Variants in USP1 observed in about 807,000 individuals in gnomAD.
The protein encoded by USP1 is ubiquitin carboxyl-terminal hydrolase 1.
USP1 carries 18 observed loss-of-function variants against 72.2 expected under a neutral mutation model. The ratio of observed to expected loss-of-function variants is 0.25; its 90% CI spans 0.17 to 0.37. The LOEUF (loss-of-function observed/expected upper bound fraction) is 0.37. Ranked by LOEUF, USP1 falls within the 10% of genes least tolerant of loss-of-function variation. The pLI, the probability that USP1 is intolerant of heterozygous loss-of-function variation, is 1.00. For synonymous variants in USP1, 354 were observed against 303.7 expected (o/e 1.17, Z -1.72); for missense variants, 759 against 884.9 (o/e 0.86, Z 1.81).
intron 1 of USP1, 40 bp downstream of exon 1, chr1:62,437,440 G>T (rs1645097991): frequency 2.9e-6 from 1 of 350,442 alleles, no homozygotes; most frequent in Admixed American, 4.8e-5. Context: ...TCCCGGGCGC[G>T]GGGGCAAGTT....
chr1:62,449,036 C>T (rs1436352702), intron 8 of USP1, among the ~76,000 whole-genome samples: 1 of 152,106 alleles, frequency 6.6e-6, no homozygotes, highest in African/African-American at 2.4e-5. Flanking sequence ...GTGCATGCCA[C>T]CATGCCCAGC....
At chr1:62,439,377 G>C (rs182640634) in intron 1 of USP1, among the ~76,000 whole-genome samples, 1 of 152,266 alleles carries the variant, frequency 6.6e-6, no homozygotes, top group East Asian at 1.9e-4. Context: ...TAGAGATGGG[G>C]TTTCACCATG....
At chr1:62,448,340 CT>C (rs1345382672) in intron 7 of USP1, 124 bp from the exon 8 acceptor site, 5 of 892,944 alleles carry the variant, frequency 5.6e-6, no homozygotes, top group Non-Finnish European at 8.4e-6. Flanking sequence ...AAGTAAAAAT[CT>C]CTTTAGTTAT....
Position 62,437,116 on chromosome 1 carries a change from C to T in USP1, c.-354C>T, listed in dbSNP as rs771846826. ...CCTAGCGGTTCAGGCGTTCGGCGAG[C>T]GGGGCCGCTGCTTGTTGCGCTCCTG... On this transcript the variant is annotated 5_prime_UTR_variant, in exon 1 of 9. Coordinates refer to ENST00000339950, the MANE Select transcript of USP1 (RefSeq NM_003368.5). 2.8e-5 allele frequency: 11 copies of T among 399,134 alleles called. No homozygotes were observed. The highest frequency in any genetic ancestry group is 2.5e-4 in the South Asian group (2 of 7,854). 24.7% of individuals were successfully genotyped at this position (399,134 alleles called of 1,614,324 possible).
In USP1 at chr1:62,443,141, G is replaced by A. The variant is rs370324199; in HGVS notation, c.397-18G>A. ...TTTGTTCATAAAATTATTGGTTTGT[G>A]TGTTTCTTTCTTGACAGGGAAATTG... On this transcript the variant is annotated intron_variant, in intron 4 of 8. Coordinates refer to ENST00000339950, the MANE Select transcript of USP1 (RefSeq NM_003368.5). 1.2e-6 allele frequency: 2 copies of A among 1,604,748 alleles called. No individual in the cohort carries two copies. Among genetic ancestry groups the A allele is most frequent in the African/African-American group, 1.3e-5 (1 of 74,158 alleles).
intron 2 of USP1, among the ~76,000 whole-genome samples, chr1:62,441,030 G>T (rs1428938164): frequency 2.0e-5 from 3 of 149,382 alleles, no homozygotes; most frequent in Non-Finnish European, 3.0e-5. Context: ...TTTTTTACCA[G>T]CAGGAAGTCA....
At position 62,441,575 on chromosome 1, in the gene USP1, C is replaced by T. The variant is rs752108855; in HGVS notation, c.258C>T (p.Leu86=). The part of the protein sequence containing the change: ...NLLPFVGLNN[L]GNTCYLNSIL... ...TACCATTTGTGGGACTGAATAATCTCGGCAATACTTGCTATCTTAATAGTA... is the reference window on the plus strand; with the variant it reads ...TACCATTTGTGGGACTGAATAATCTTGGCAATACTTGCTATCTTAATAGTA... Residue 86 remains leucine, a synonymous_variant, in exon 3 of 9, where the codon CTC becomes CTT. Coordinates refer to ENST00000339950, the MANE Select transcript of USP1 (RefSeq NM_003368.5). The T allele has an allele frequency of 8.7e-6, 14 of 1,613,234 alleles. No homozygotes were observed. Among genetic ancestry groups the T allele is most frequent in the South Asian group, 2.2e-5 (2 of 90,990 alleles).
chr1:62,442,794 A>G (rs907611505), intron 4 of USP1, among the ~76,000 whole-genome samples: 8 of 152,012 alleles, frequency 5.3e-5, no homozygotes, highest in African/African-American at 1.9e-4. Flanking sequence ...CTTGAGCGCA[A>G]GAGTTTGAGA....
At chr1:62,448,309 A>G (rs907491598) in intron 7 of USP1, among the ~76,000 whole-genome samples, 156 bp from the exon 8 acceptor site, 2 of 152,252 alleles carry the variant, frequency 1.3e-5, no homozygotes, top group African/African-American at 4.8e-5. Context: ...TTGAGGATGC[A>G]CTTATGAAAG....
chr1:62,442,666 A>G (rs1227299900), intron 4 of USP1, among the ~76,000 whole-genome samples: 1 of 152,246 alleles, frequency 6.6e-6, no homozygotes, highest in Non-Finnish European at 1.5e-5. Context: ...TTAAAAAACC[A>G]TTGTAATTCA....
In USP1 at chr1:62,451,775, A is replaced by G. The variant is rs1044302472; in HGVS notation, c.*794A>G. The G allele has an allele frequency of 1.0e-4, 16 of 152,612 alleles. No homozygotes were observed. The highest frequency in any genetic ancestry group is 3.4e-4 in the African/African-American group (14 of 41,430). The allele number at this position is 152,612 out of a possible 1,614,324, so 9.5% of individuals were successfully genotyped here. ...TTGAATTTTTTACTTGTATATTTTT[A>G]TAAATACAGCTGAGTTTTCTTAAAG... is the stretch of plus-strand genomic sequence containing the variant. On this transcript the variant is annotated 3_prime_UTR_variant, in exon 9 of 9. Coordinates refer to ENST00000339950, the MANE Select transcript of USP1 (RefSeq NM_003368.5).
rs545464404 is a variant in USP1 at position 62,439,411 on chromosome 1, C to G, written c.-69-388C>G. Among the ~76,000 whole-genome samples, 5 of 152,326 alleles carry G rather than the reference C, an allele frequency of 3.3e-5. No homozygotes were observed. The East Asian group carries it at 7.7e-4, about 24-fold the overall frequency. On this transcript the variant is annotated intron_variant, in intron 1 of 8. Transcript: ENST00000339950. ...TGTTGGTCAGGCTGGTCTCGAACTC[C>G]TGACCTCGTGATCCACTCGCTTCGG... is the stretch of plus-strand genomic sequence containing the variant.
At position 62,447,321 on chromosome 1, in the gene USP1, T is replaced by G; in HGVS notation, c.1250-20T>G. ...AGAAACTAATCTGTATAGACTTACATTTTCCTATTTTCATTTTAGGTGAAG... is the reference window on the plus strand; with the variant it reads ...AGAAACTAATCTGTATAGACTTACAGTTTCCTATTTTCATTTTAGGTGAAG... On this transcript the variant is annotated intron_variant, in intron 6 of 8. Transcript: ENST00000339950. 6.2e-7 allele frequency: 1 copy of G among 1,607,118 alleles called. No homozygotes were observed. Among genetic ancestry groups the G allele is most frequent in the Non-Finnish European group, 8.5e-7 (1 of 1,176,892 alleles).
At position 62,450,431 on chromosome 1, in the gene USP1, T is replaced by G. The variant is rs1270417282; in HGVS notation, c.1808T>G (p.Leu603Arg). ...ACTGCTTCTGTTAAAGTCACTGACC[T>G]TAACAGTTTAGAACTAGATAAAGGA... The part of the protein sequence containing the change: ...HYTASVKVTD[L>R]NSLELDKGNF... The change falls in exon 9 of 9, where the codon CTT (leucine) becomes CGT (arginine). Residue 603 changes from leucine to arginine, a missense_variant. Around this residue, in one of 9 missense-constraint regions of USP1, gnomAD observed 140 missense variants for 222.8 expected, o/e 0.63. Coordinates refer to ENST00000339950, the MANE Select transcript of USP1 (RefSeq NM_003368.5). 6.2e-7 allele frequency: 1 copy of G among 1,614,148 alleles called. No homozygotes were observed. Among genetic ancestry groups the G allele is most frequent in the Admixed American group, 1.7e-5 (1 of 60,026 alleles).
intron 6 of USP1, among the ~76,000 whole-genome samples, chr1:62,447,074 A>G (rs1322212061): frequency 1.3e-5 from 2 of 152,138 alleles, no homozygotes; most frequent in Non-Finnish European, 2.9e-5. Flanking sequence ...CAGCCTCCCA[A>G]AGTCTTGGGA....
Position 62,445,240 on chromosome 1 carries a change from A to G in USP1, c.1060A>G (p.Lys354Glu), listed in dbSNP as rs1459833687. Residue 354 changes from lysine (K) to glutamate (E), a missense_variant, in exon 6 of 9, where the codon AAA becomes GAA. Physicochemically the swap from Lys to Glu is moderately conservative, Grantham distance 56. Coordinates refer to ENST00000339950, the MANE Select transcript of USP1 (RefSeq NM_003368.5). ...AACTAAGCAACCCAGCATTCTTTCT[A>G]AATTTTGTAGTCTGGGAAAAATAAC... ...SATKQPSILS[K>E]FCSLGKITTN... is the part of the protein sequence containing the mutation. 5.0e-6 allele frequency: 8 copies of G among 1,611,810 alleles called. No homozygotes were observed. In the East Asian group the frequency reaches 1.6e-4, roughly 31 times the overall value.
In USP1 at chr1:62,445,356, T is replaced by C. The variant is rs781651796; in HGVS notation, c.1176T>C (p.Asn392=). 1.2e-6 allele frequency: 2 copies of C among 1,609,840 alleles called. No homozygotes were observed. Among genetic ancestry groups the C allele is most frequent in the Non-Finnish European group, 1.7e-6 (2 of 1,178,864 alleles). ...LGKCESDNTT[N]GCGLESPGNT... is the part of the protein sequence containing the mutation. ...AGTGTGAAAGTGATAACACAACTAA[T>C]GGTTGTGGACTTGAATCTCCAGGAA... is the stretch of plus-strand genomic sequence containing the variant. Residue 392 remains asparagine, a synonymous_variant, in exon 6 of 9, where the codon AAT becomes AAC. Transcript: ENST00000339950.
chr1:62,442,401 G>GAA, intron 4 of USP1, 102 bp downstream of exon 4: 1 of 808,724 alleles, frequency 1.2e-6, no homozygotes, highest in Non-Finnish European at 1.9e-6. Context: ...GGATGACAAA[G>GAA]ATTATTTCTC....
In USP1 at chr1:62,447,328, ATT is replaced by A; in HGVS notation, c.1250-10_1250-9del. On this transcript the variant is annotated splice_polypyrimidine_tract_variant and intron_variant, in intron 6 of 8. Coordinates refer to ENST00000339950, the MANE Select transcript of USP1 (RefSeq NM_003368.5). ...AATCTGTATAGACTTACATTTTCCTATTTTCATTTTAGGTGAAGAACAAATTG... is the reference window on the plus strand; with the variant it reads ...AATCTGTATAGACTTACATTTTCCTATTCATTTTAGGTGAAGAACAAATTG... 6.2e-7 allele frequency: 1 copy of A among 1,608,626 alleles called. No homozygotes were observed. The highest frequency in any genetic ancestry group is 8.5e-7 in the Non-Finnish European group (1 of 1,177,956).
Sources: gnomAD v4.1 joint callset for allele counts (sites outside exome capture counted in the v4.1 genomes callset) on GRCh38, gnomAD v4.1.1 for gene constraint, gnomAD v4.1.1 regional missense constraint, MANE v1.5 for transcripts, NCBI Gene and HGNC (gene_info 2026-07-23, HGNC 2026-07-21) for gene names.